The following PDGFC variants were observed in gnomAD, a reference collection of about 807,000 sequenced individuals.
The protein encoded by PDGFC is platelet derived growth factor C.
Under a neutral mutation model 35.5 loss-of-function variants are expected in PDGFC, and 12 were observed. The observed-to-expected ratio is 0.34, with a 90% CI of 0.22 to 0.55. PDGFC has a LOEUF of 0.55. Ranked by LOEUF, PDGFC falls within the 20% of genes least tolerant of loss-of-function variation. PDGFC has a pLI of 0.91. For missense variants in PDGFC, 322 were observed against 412.4 expected (o/e 0.78, Z 1.90); for synonymous variants, 159 against 148.8 (o/e 1.07, Z -0.50).
intron 1 of PDGFC, among the ~76,000 whole-genome samples, chr4:156,865,073 A>G (rs17035367): frequency 0.13 from 20,427 of 152,102 alleles, 1,682 homozygotes; most frequent in African/African-American, 0.23. Flanking sequence ...AGCCATCTAC[A>G]AACCACTTTA....
intron 1 of PDGFC, among the ~76,000 whole-genome samples, chr4:156,959,021 T>C (rs1732276800): frequency 6.6e-6 from 1 of 152,062 alleles, no homozygotes; most frequent in Non-Finnish European, 1.5e-5. Context: ...ACAATTATTT[T>C]ACAATTAGTT....
At chr4:156,863,601 G>A (rs1729768276) in intron 1 of PDGFC, among the ~76,000 whole-genome samples, 1 of 152,058 alleles carries the variant, frequency 6.6e-6, no homozygotes, top group African/African-American at 2.4e-5. Context: ...TATTTGTGGG[G>A]TGTTTCTAAT....
At chr4:156,763,627 A>G (rs1730444304) in intron 5 of PDGFC, among the ~76,000 whole-genome samples, 1 of 152,202 alleles carries the variant, frequency 6.6e-6, no homozygotes, top group South Asian at 2.1e-4. Context: ...TACTTGATGC[A>G]ATACACTCAA....
chr4:156,898,151 G>T (rs553555901), intron 1 of PDGFC, among the ~76,000 whole-genome samples: 3 of 152,208 alleles, frequency 2.0e-5, no homozygotes, highest in African/African-American at 7.2e-5. Flanking sequence ...CTGAATAAAA[G>T]AAACCCAGAG....
intron 3 of PDGFC, among the ~76,000 whole-genome samples, chr4:156,797,040 A>G (rs1401207350): frequency 6.6e-6 from 1 of 151,990 alleles, no homozygotes; most frequent in Admixed American, 6.6e-5. Flanking sequence ...GATTGAGACC[A>G]TCTTGGCTAA....
At chr4:156,894,947 T>G (rs1197771858) in intron 1 of PDGFC, among the ~76,000 whole-genome samples, 1 of 152,206 alleles carries the variant, frequency 6.6e-6, no homozygotes, top group Admixed American at 6.5e-5. Flanking sequence ...TTACTAATTC[T>G]GCATGCAAAT....
intron 1 of PDGFC, among the ~76,000 whole-genome samples, chr4:156,887,819 C>T (rs1057156876): frequency 8.6e-5 from 13 of 151,550 alleles, no homozygotes; most frequent in African/African-American, 2.9e-4. Context: ...TGCAACATGG[C>T]GAAAATCTGT....
chr4:156,955,071 G>C (rs1394199172), intron 1 of PDGFC, among the ~76,000 whole-genome samples: 1 of 152,062 alleles, frequency 6.6e-6, no homozygotes, highest in Non-Finnish European at 1.5e-5. Context: ...TTAGAGAAGA[G>C]AGACATATTA....
intron 1 of PDGFC, among the ~76,000 whole-genome samples, chr4:156,901,083 C>T (rs1730763726): frequency 6.6e-6 from 1 of 152,104 alleles, no homozygotes; most frequent in Non-Finnish European, 1.5e-5. Context: ...ATTTTCTCTG[C>T]TAGATTGATG....
At chr4:156,879,745 A>G (rs955473436) in intron 1 of PDGFC, among the ~76,000 whole-genome samples, 2 of 152,216 alleles carry the variant, frequency 1.3e-5, no homozygotes, top group Non-Finnish European at 2.9e-5. Context: ...CCTGAAATAA[A>G]CATAGTTCTT....
At chr4:156,878,490 C>T (rs904409888) in intron 1 of PDGFC, among the ~76,000 whole-genome samples, 23 of 152,156 alleles carry the variant, frequency 1.5e-4, no homozygotes, top group Non-Finnish European at 3.1e-4. Flanking sequence ...ACACATATGG[C>T]TTCCCAGTAC....
chr4:156,862,753 AG>A (rs1043083527), intron 1 of PDGFC, among the ~76,000 whole-genome samples: 1 of 150,512 alleles, frequency 6.6e-6, no homozygotes, highest in African/African-American at 2.5e-5. Flanking sequence ...ACCCAGGCTG[AG>A]TGTAGTCTCT....
chr4:156,947,854 A>C (rs1731983811), intron 1 of PDGFC, among the ~76,000 whole-genome samples: 5 of 152,004 alleles, frequency 3.3e-5, no homozygotes, highest in Non-Finnish European at 7.4e-5. Context: ...GTAAAAGCAA[A>C]GTAGCAATAA....
chr4:156,926,312 A>G (rs1024767689), intron 1 of PDGFC, among the ~76,000 whole-genome samples: 3 of 152,174 alleles, frequency 2.0e-5, no homozygotes, highest in African/African-American at 7.2e-5. Flanking sequence ...GATAGAACCA[A>G]GAAAACTCAG....
At chr4:156,872,230 A>G (rs2111146339) in intron 1 of PDGFC, among the ~76,000 whole-genome samples, 1 of 152,316 alleles carries the variant, frequency 6.6e-6, no homozygotes, top group East Asian at 1.9e-4. Flanking sequence ...GTATGTGTGT[A>G]TGTGTACATA....
At chr4:156,927,693 AT>A (rs931741813) in intron 1 of PDGFC, among the ~76,000 whole-genome samples, 2 of 152,126 alleles carry the variant, frequency 1.3e-5, no homozygotes, top group African/African-American at 4.8e-5. Context: ...CACTATCAGC[AT>A]TTTGGCCAAA....
chr4:156,859,718 T>C (rs1560844629), intron 1 of PDGFC, among the ~76,000 whole-genome samples: 2 of 152,112 alleles, frequency 1.3e-5, no homozygotes, highest in African/African-American at 2.4e-5. Context: ...AAACATTAGG[T>C]TTTTAAAGAA....
intron 1 of PDGFC, among the ~76,000 whole-genome samples, chr4:156,964,686 C>T (rs934868570): frequency 1.3e-5 from 2 of 152,020 alleles, no homozygotes; most frequent in Admixed American, 6.6e-5. Flanking sequence ...CTAATTGGTT[C>T]TCACATAAGG....
intron 1 of PDGFC, among the ~76,000 whole-genome samples, chr4:156,854,528 ATGCAAGGAGGTT>A (rs1172063830): frequency 2.0e-5 from 3 of 152,164 alleles, no homozygotes; most frequent in South Asian, 4.1e-4. Context: ...TCACCTTGAA[ATGCAAGGAGGTT>A]TGCCACCAAA....
Sources: gnomAD v4.1 joint callset for allele counts (sites outside exome capture counted in the v4.1 genomes callset) on GRCh38, gnomAD v4.1.1 for gene constraint, MANE v1.5 for transcripts, NCBI Gene and HGNC (gene_info 2026-07-23, HGNC 2026-07-21) for gene names.